PLB1: variants seen among roughly 807,000 people sequenced by gnomAD.
PLB1 encodes the protein phospholipase B1, membrane-associated.
In PLB1, 242 loss-of-function variants were observed where a neutral mutation model predicts 227.4. The observed-to-expected ratio is 1.06, with a 90% CI of 0.96 to 1.18. The LOEUF (loss-of-function observed/expected upper bound fraction) is 1.18. Among genes scored for constraint, PLB1 ranks in the 50% most tolerant of loss-of-function variants. The probability of loss-of-function intolerance (pLI) is 0.00; values close to 1 mark genes in which losing one functional copy is unlikely to be tolerated. For missense variants in PLB1, 1,858 were observed against 1,816.3 expected, an observed-to-expected ratio of 1.02 and a Z score of -0.42; for synonymous variants, 757 against 682.2, an observed-to-expected ratio of 1.11 and a Z score of -1.71.
intron 35 of PLB1, among the ~76,000 whole-genome samples, 181 bp downstream of exon 35, chr2:28,598,941 C>T (rs1405868011): frequency 1.3e-5 from 2 of 152,226 alleles, no homozygotes; most frequent in East Asian, 3.8e-4. Context: ...GAGGCTGTGG[C>T]CTTGGAGAGA....
At chr2:28,548,279 TG>T (rs1209002299) in intron 14 of PLB1, among the ~76,000 whole-genome samples, 1 of 152,140 alleles carries the variant, frequency 6.6e-6, no homozygotes, top group Non-Finnish European at 1.5e-5. Flanking sequence ...GGGGAGGACT[TG>T]GGAAAGAATA....
At chr2:28,525,684 C>T (rs1041986520) in intron 5 of PLB1, among the ~76,000 whole-genome samples, 3 of 152,104 alleles carry the variant, frequency 2.0e-5, no homozygotes, top group Non-Finnish European at 4.4e-5. Flanking sequence ...CAGATGAGAG[C>T]GGGTTGGAGG....
At chr2:28,540,882 G>A (rs1225431692) in intron 12 of PLB1, among the ~76,000 whole-genome samples, 2 of 152,152 alleles carry the variant, frequency 1.3e-5, no homozygotes, top group Non-Finnish European at 2.9e-5. Context: ...CCAAGAGAGG[G>A]TGAAGGGGTT....
intron 54 of PLB1, among the ~76,000 whole-genome samples, chr2:28,631,455 G>T (rs1465227665): frequency 6.6e-6 from 1 of 152,150 alleles, no homozygotes; most frequent in African/African-American, 2.4e-5. Flanking sequence ...AGCCCCAAAG[G>T]GTTCTCATGT....
intron 33 of PLB1, among the ~76,000 whole-genome samples, chr2:28,597,094 T>C (rs551465539): frequency 2.9e-4 from 44 of 152,042 alleles, no homozygotes; most frequent in African/African-American, 1.0e-3. Context: ...GAACCCCATC[T>C]CTACTAAAAA....
rs146873564 is a variant in PLB1, at chr2:28,516,945, A to G, written c.117+76A>G. 5.6e-4 allele frequency: 806 copies of G among 1,449,896 alleles called. 7 individuals are homozygous for G. In the African/African-American group the frequency reaches 1.0e-2, roughly 18 times the overall value. 89.8% of individuals were successfully genotyped at this position (1,449,896 alleles called of 1,614,324 possible). ...GATTTTCCTTGTAGTGGGTAAACCCAAGTTTTGGTGCAAGTTGACAGGCCC... is the reference window on the plus strand; with the variant it reads ...GATTTTCCTTGTAGTGGGTAAACCCGAGTTTTGGTGCAAGTTGACAGGCCC... On this transcript the variant is annotated intron_variant, in intron 2 of 57. Transcript: ENST00000327757.
intron 1 of PLB1, among the ~76,000 whole-genome samples, chr2:28,499,099 T>C (rs1666795041): frequency 8.0e-5 from 1 of 12,448 alleles, no homozygotes. Flanking sequence ...TTTAAAATTT[T>C]TATTTTGAAA....
At chr2:28,571,739 A>T (rs182229255) in intron 20 of PLB1, among the ~76,000 whole-genome samples, 1 of 152,312 alleles carries the variant, frequency 6.6e-6, no homozygotes, top group East Asian at 1.9e-4. Context: ...AGATAGTTAC[A>T]CACAGAAAAA....
Position 28,533,171 on chromosome 2 carries a change from C to T in PLB1, c.555+977C>T, listed in dbSNP as rs1458152628. Among the ~76,000 whole-genome samples, 3 of 152,162 alleles carry T rather than the reference C, an allele frequency of 2.0e-5. No homozygotes were observed. In the East Asian group the frequency reaches 5.8e-4, roughly 29 times the overall value. The stretch of plus-strand genomic sequence containing the variant: ...ATACTCTTGCCTTCCTTCAAGTGCG[C>T]CACACTCCCACTGACTCCAGGCTCA... On this transcript the variant is annotated intron_variant, in intron 9 of 57. Transcript: ENST00000327757.
chr2:28,548,037 C>T (rs1366940634), intron 14 of PLB1, among the ~76,000 whole-genome samples: 12 of 152,034 alleles, frequency 7.9e-5, no homozygotes, highest in Non-Finnish European at 1.5e-4. Context: ...TATTTCACAG[C>T]GGATACCACA....
At chr2:28,616,809 A>G (rs1373625527) in intron 44 of PLB1, among the ~76,000 whole-genome samples, 2 of 152,224 alleles carry the variant, frequency 1.3e-5, no homozygotes, top group African/African-American at 2.4e-5. Flanking sequence ...AGCAAATAAT[A>G]TTTAAAAGAA....
At chr2:28,506,851 T>G (rs1667691188) in intron 1 of PLB1, among the ~76,000 whole-genome samples, 1 of 152,118 alleles carries the variant, frequency 6.6e-6, no homozygotes, top group South Asian at 2.1e-4. Context: ...GAAGGGTAAG[T>G]GCTTTTCTTC....
chr2:28,576,496 G>A (rs569102585), intron 21 of PLB1, among the ~76,000 whole-genome samples: 1 of 152,314 alleles, frequency 6.6e-6, no homozygotes, highest in African/African-American at 2.4e-5. Context: ...TTGGGAGGCC[G>A]AGGTGGGTGG....
intron 4 of PLB1, among the ~76,000 whole-genome samples, chr2:28,519,969 C>T (rs1305440697): frequency 1.3e-5 from 2 of 151,998 alleles, no homozygotes; most frequent in African/African-American, 2.4e-5. Flanking sequence ...CACTCTGTCA[C>T]CCGGGCTGGA....
chr2:28,573,597 C>T (rs999333841), intron 21 of PLB1, among the ~76,000 whole-genome samples: 1 of 152,228 alleles, frequency 6.6e-6, no homozygotes, highest in Non-Finnish European at 1.5e-5. Context: ...TAAGCAGGCT[C>T]ACTCTGCGTC....
At position 28,600,752 on chromosome 2, in the gene PLB1, G is replaced by T. The variant is rs73922193; in HGVS notation, c.2475-57G>T. ...GAAGCCTCTGGTTCAGGCCCTCTAGGAGGAAAACTATGGGCACTGTTCCTC... is the reference window on the plus strand; with the variant it reads ...GAAGCCTCTGGTTCAGGCCCTCTAGTAGGAAAACTATGGGCACTGTTCCTC... On this transcript the variant is annotated intron_variant, in intron 35 of 57. Coordinates refer to ENST00000327757, the MANE Select transcript of PLB1 (RefSeq NM_153021.5). 996 of 1,560,786 alleles carry T rather than the reference G, an allele frequency of 6.4e-4. 6 individuals carry two copies. In the African/African-American group the frequency reaches 0.012, roughly 18 times the overall value.
rs1365213635 is a variant in PLB1, at chr2:28,633,987, A to G, written c.4098+948A>G. Among the ~76,000 whole-genome samples the G allele has an allele frequency of 2.0e-5, 3 of 152,152 alleles. No individual in the cohort carries two copies. In the East Asian group the frequency reaches 5.8e-4, roughly 29 times the overall value. On this transcript the variant is annotated intron_variant, in intron 56 of 57. Coordinates refer to ENST00000327757, the MANE Select transcript of PLB1 (RefSeq NM_153021.5). The stretch of plus-strand genomic sequence containing the variant: ...CAAACGTTCCCACCCCTGTCAGCTC[A>G]TCCAGTATGTCCAGCATCCCACTCG...
chr2:28,567,282 C>T (rs901161290), intron 20 of PLB1, among the ~76,000 whole-genome samples: 1 of 152,134 alleles, frequency 6.6e-6, no homozygotes, highest in Admixed American at 6.5e-5. Flanking sequence ...AGGCATCGAT[C>T]CAGGCACCTG....
intron 56 of PLB1, among the ~76,000 whole-genome samples, chr2:28,635,961 A>G (rs1689247419): frequency 6.6e-6 from 1 of 152,128 alleles, no homozygotes; most frequent in African/African-American, 2.4e-5. Flanking sequence ...CTCTGGCTGC[A>G]TATTAGAATC....
Sources: gnomAD v4.1 joint callset for allele counts (sites outside exome capture counted in the v4.1 genomes callset) on GRCh38, gnomAD v4.1.1 for gene constraint, MANE v1.5 for transcripts, NCBI Gene and HGNC (gene_info 2026-07-23, HGNC 2026-07-21) for gene names.